The following BCKDHB variants were observed in gnomAD, a reference collection of about 807,000 sequenced individuals.
The protein encoded by BCKDHB is 2-oxoisovalerate dehydrogenase subunit beta, mitochondrial.
A neutral mutation model predicts 48.5 loss-of-function variants in BCKDHB; 41 were observed. The observed-to-expected ratio is 0.85, with a 90% CI of 0.66 to 1.10. The LOEUF is 1.10. Among genes scored for constraint, BCKDHB ranks in the 50% least tolerant of loss-of-function variants. The pLI is 0.00. For synonymous variants in BCKDHB, 201 were observed against 174.8 expected, an observed-to-expected ratio of 1.15 and a Z score of -1.18; for missense variants, 496 against 494.2, an observed-to-expected ratio of 1.00 and a Z score of -0.03.
chr6:80,182,225 T>C (rs1773445551), intron 6 of BCKDHB, among the ~76,000 whole-genome samples: 1 of 152,202 alleles, frequency 6.6e-6, no homozygotes, highest in Non-Finnish European at 1.5e-5. Flanking sequence ...TGACTTAGTA[T>C]TGAGTAGCAG....
At chr6:80,165,454 G>A (rs1483605085) in intron 3 of BCKDHB, among the ~76,000 whole-genome samples, 2 of 152,024 alleles carry the variant, frequency 1.3e-5, no homozygotes, top group Admixed American at 6.6e-5. Context: ...CCCATGTTTC[G>A]TTCATATTCA....
intron 8 of BCKDHB, among the ~76,000 whole-genome samples, chr6:80,258,817 A>G (rs1053146266): frequency 6.6e-6 from 1 of 151,924 alleles, no homozygotes; most frequent in Admixed American, 6.6e-5. Context: ...AGTTAACAAC[A>G]TGAAGACATA....
chr6:80,281,074 T>C (rs183265315), intron 9 of BCKDHB, among the ~76,000 whole-genome samples: 31 of 151,942 alleles, frequency 2.0e-4, no homozygotes, highest in Non-Finnish European at 3.8e-4. Flanking sequence ...ACATTTTAGA[T>C]TTGTATCTGA....
intron 9 of BCKDHB, chr6:80,307,866 G>C: frequency 3.1e-6 from 3 of 976,066 alleles, no homozygotes; most frequent in Non-Finnish European, 3.7e-6. Context: ...CACTGCAAAT[G>C]CAACTTCAAA....
At chr6:80,296,967 T>C (rs140959007) in intron 9 of BCKDHB, among the ~76,000 whole-genome samples, 1 of 152,340 alleles carries the variant, frequency 6.6e-6, no homozygotes, top group Admixed American at 6.5e-5. Context: ...TAAAACTGTT[T>C]TTAGTAGTCT....
intron 8 of BCKDHB, among the ~76,000 whole-genome samples, chr6:80,234,664 G>T (rs191457665): frequency 6.6e-6 from 1 of 152,002 alleles, no homozygotes; most frequent in Non-Finnish European, 1.5e-5. Flanking sequence ...ACTGCCATGC[G>T]ACCCAGCAAT....
At chr6:80,368,095 T>A in the BCKDHB span, among the ~76,000 whole-genome samples, 1 of 152,198 alleles carries the variant, frequency 6.6e-6, no homozygotes, top group East Asian at 1.9e-4. Flanking sequence ...TGTGTAGTTC[T>A]GTCATCATCT....
chr6:80,368,043 C>G, the BCKDHB span, among the ~76,000 whole-genome samples: 1 of 152,218 alleles, frequency 6.6e-6, no homozygotes, highest in Admixed American at 6.5e-5. Context: ...GCCCTGGACT[C>G]TCACTGGTTT....
chr6:80,161,994 G>T (rs537026053), intron 3 of BCKDHB, among the ~76,000 whole-genome samples: 1 of 152,062 alleles, frequency 6.6e-6, no homozygotes, highest in African/African-American at 2.4e-5. Flanking sequence ...GTCAATATTT[G>T]CTTGGCAAAA....
At chr6:80,320,591 G>T (rs183888158) in intron 9 of BCKDHB, among the ~76,000 whole-genome samples, 2 of 152,248 alleles carry the variant, frequency 1.3e-5, no homozygotes, top group East Asian at 3.9e-4. Flanking sequence ...TTCAGCGACC[G>T]TTTCCAGGGT....
the BCKDHB span, among the ~76,000 whole-genome samples, chr6:80,419,162 G>A: frequency 6.6e-6 from 1 of 152,200 alleles, no homozygotes; most frequent in Non-Finnish European, 1.5e-5. Context: ...GACAGGGCAA[G>A]GAAAGCAAAA....
chr6:80,347,099 T>A (rs1770252594), downstream of BCKDHB, among the ~76,000 whole-genome samples: 1 of 152,058 alleles, frequency 6.6e-6, no homozygotes, highest in African/African-American at 2.4e-5. Context: ...TTACCAGCAA[T>A]TTGAAGGAGG....
intron 3 of BCKDHB, among the ~76,000 whole-genome samples, chr6:80,130,940 C>T (rs146001384): frequency 2.0e-5 from 3 of 152,266 alleles, no homozygotes; most frequent in Admixed American, 1.3e-4. Context: ...TAGTAGCATG[C>T]CATGTGCTTT....
chr6:80,425,673 C>T, the BCKDHB span, among the ~76,000 whole-genome samples: 1 of 152,174 alleles, frequency 6.6e-6, no homozygotes, highest in Non-Finnish European at 1.5e-5. Flanking sequence ...GATCACTTTA[C>T]CATGATCGTC....
chr6:80,189,340 C>G (rs1225899733), intron 6 of BCKDHB, among the ~76,000 whole-genome samples: 1 of 152,168 alleles, frequency 6.6e-6, no homozygotes, highest in Admixed American at 6.5e-5. Context: ...CAAATAATTT[C>G]TCACTTGACC....
chr6:80,432,723 G>T, the BCKDHB span, among the ~76,000 whole-genome samples: 1 of 152,134 alleles, frequency 6.6e-6, no homozygotes, highest in Non-Finnish European at 1.5e-5. Context: ...TTTCCTTGCT[G>T]GTGAGGAGTT....
the BCKDHB span, chr6:80,463,137 T>C: frequency 2.6e-5 from 4 of 152,356 alleles, no homozygotes; most frequent in Non-Finnish European, 4.4e-5. Context: ...TTTAAGTAAG[T>C]GCAAACATAT....
At chr6:80,353,424 T>C in the BCKDHB span, among the ~76,000 whole-genome samples, 15 of 152,218 alleles carry the variant, frequency 9.9e-5, no homozygotes, top group African/African-American at 3.6e-4. Context: ...GATTGAATGA[T>C]AGTTGTATTT....
the BCKDHB span, among the ~76,000 whole-genome samples, chr6:80,441,324 G>A: frequency 6.6e-6 from 1 of 152,090 alleles, no homozygotes; most frequent in East Asian, 1.9e-4. Flanking sequence ...TAACCAAATT[G>A]AACATATTGC....
Sources: allele counts gnomAD v4.1 joint callset (sites outside exome capture counted in the v4.1 genomes callset), GRCh38; gene constraint gnomAD v4.1.1; transcripts MANE v1.5; gene names NCBI Gene and HGNC (gene_info 2026-07-23, HGNC 2026-07-21).